The following DCDC1 variants were observed in gnomAD, a reference collection of about 807,000 sequenced individuals.
The protein encoded by DCDC1 is doublecortin domain containing 1, also known as doublecortin domain-containing protein 1.
DCDC1 carries 200 observed loss-of-function variants against 178.3 expected under a neutral mutation model. The observed-to-expected ratio is 1.12, with a 90% CI of 1.00 to 1.26. The LOEUF (loss-of-function observed/expected upper bound fraction) is 1.26, where lower values mean the gene tolerates loss of function less well. Ranked by LOEUF, DCDC1 falls within the 50% of genes most tolerant of loss-of-function variation. DCDC1 has a pLI of 0.00. For missense variants in DCDC1, 1,983 were observed against 1,749.2 expected, an observed-to-expected ratio of 1.13 and a Z score of -2.38; for synonymous variants, 690 against 604.8, an observed-to-expected ratio of 1.14 and a Z score of -2.07.
chr11:31,131,218 TGAAAA>T (rs773645950), intron 10 of DCDC1, among the ~76,000 whole-genome samples: 1 of 131,574 alleles, frequency 7.6e-6, no homozygotes, highest in Non-Finnish European at 1.6e-5. Context: ...ACAAAATTAA[TGAAAA>T]GAAAAAGAAA....
At chr11:30,896,955 A>G (rs1944271671) in intron 34 of DCDC1, among the ~76,000 whole-genome samples, 1 of 152,220 alleles carries the variant, frequency 6.6e-6, no homozygotes. Flanking sequence ...TATAATATAG[A>G]ATAGCTGATT....
At chr11:31,231,409 C>T (rs1975762114) in intron 9 of DCDC1, among the ~76,000 whole-genome samples, 1 of 151,956 alleles carries the variant, frequency 6.6e-6, no homozygotes, top group Non-Finnish European at 1.5e-5. Context: ...GTTTTTACAC[C>T]ACAAGGTGAT....
At position 31,077,005 on chromosome 11, in the gene DCDC1, G is replaced by C. The variant is rs913569980; in HGVS notation, c.2298+860C>G. Among the ~76,000 whole-genome samples, 26 of 152,090 alleles carry C rather than the reference G, an allele frequency of 1.7e-4. 1 individual carries two copies. Among genetic ancestry groups the C allele is most frequent in the Non-Finnish European group, 5.9e-5 (4 of 68,018 alleles). ...ACGTTTTCTTTTGCTTGTCTGTTGA[G>C]CTTGTTTTCCTTCTTGGATAAAACT... On this transcript the variant is annotated intron_variant, in intron 18 of 38. Transcript: ENST00000684477.
intron 9 of DCDC1, among the ~76,000 whole-genome samples, chr11:31,177,845 A>T (rs1968271665): frequency 6.6e-6 from 1 of 152,210 alleles, no homozygotes; most frequent in African/African-American, 2.4e-5. Context: ...ATATAAATAC[A>T]TCCAACACTG....
At chr11:31,196,924 A>C (rs1970759786) in intron 9 of DCDC1, among the ~76,000 whole-genome samples, 1 of 152,104 alleles carries the variant, frequency 6.6e-6, no homozygotes, top group Non-Finnish European at 1.5e-5. Context: ...GCATACAAAA[A>C]ATACTCTACT....
chr11:31,187,880 GT>G (rs1254775967), intron 9 of DCDC1, among the ~76,000 whole-genome samples: 2 of 152,146 alleles, frequency 1.3e-5, no homozygotes, highest in African/African-American at 4.8e-5. Context: ...TTCACCAGCT[GT>G]TTCAAGTAAA....
intron 21 of DCDC1, among the ~76,000 whole-genome samples, chr11:30,939,214 G>A (rs1947480144): frequency 6.6e-6 from 1 of 152,148 alleles, no homozygotes; most frequent in African/African-American, 2.4e-5. Context: ...ACTGTCTCCT[G>A]AATAACAGTC....
rs141716404 is a variant in DCDC1 at position 31,240,504 on chromosome 11, G to A, written c.1221+946C>T. The stretch of plus-strand genomic sequence containing the variant: ...TGTTCTTTTCCAAACTCGACAGCAG[G>A]AGGTGCTGTGTGAACACTAAGACTG... On this transcript the variant is annotated intron_variant, in intron 9 of 38. Coordinates refer to ENST00000684477, the MANE Select transcript of DCDC1 (RefSeq NM_001387274.1). 2.2e-3 allele frequency among the ~76,000 whole-genome samples: 330 copies of A among 152,092 alleles called. 2 individuals are homozygous for A. Among genetic ancestry groups the A allele is most frequent in the African/African-American group, 7.3e-3 (303 of 41,538 alleles).
At chr11:31,009,215 A>T in intron 20 of DCDC1, among the ~76,000 whole-genome samples, 1 of 152,196 alleles carries the variant, frequency 6.6e-6, no homozygotes, top group East Asian at 1.9e-4. Context: ...TGCCAAAAAG[A>T]CTTATTTTAT....
intron 38 of DCDC1, among the ~76,000 whole-genome samples, chr11:30,877,251 A>C (rs557544441): frequency 9.9e-5 from 15 of 152,266 alleles, no homozygotes; most frequent in African/African-American, 3.6e-4. Flanking sequence ...GCATCACATT[A>C]AAGTGGAGGA....
At chr11:31,325,767 C>T (rs1238954663) in intron 3 of DCDC1, among the ~76,000 whole-genome samples, 2 of 151,928 alleles carry the variant, frequency 1.3e-5, no homozygotes, top group Non-Finnish European at 2.9e-5. Flanking sequence ...TGAAGAAATG[C>T]AGAATCTCTG....
At chr11:31,008,351 G>A (rs1480154062) in intron 20 of DCDC1, among the ~76,000 whole-genome samples, 1 of 152,098 alleles carries the variant, frequency 6.6e-6, no homozygotes, top group Admixed American at 6.5e-5. Context: ...CAAAGAAACA[G>A]AGTAAGAGGT....
chr11:31,304,571 T>C (rs1010310985), intron 6 of DCDC1, among the ~76,000 whole-genome samples: 6 of 152,160 alleles, frequency 3.9e-5, no homozygotes, highest in Non-Finnish European at 5.9e-5. Context: ...AAATTGCTTA[T>C]TTCCTGAAGA....
chr11:30,878,205 C>T (rs1942316304), intron 38 of DCDC1, among the ~76,000 whole-genome samples: 1 of 152,016 alleles, frequency 6.6e-6, no homozygotes, highest in Non-Finnish European at 1.5e-5. Context: ...ACAATCCCAG[C>T]ACTTTGTGAT....
chr11:30,967,627 T>C (rs974351183), intron 20 of DCDC1, among the ~76,000 whole-genome samples: 29 of 152,254 alleles, frequency 1.9e-4, no homozygotes, highest in African/African-American at 7.0e-4. Context: ...GGTGGTTCTG[T>C]GTGTTTACCC....
intron 23 of DCDC1, among the ~76,000 whole-genome samples, chr11:30,923,095 G>C (rs1304049950): frequency 6.6e-6 from 1 of 152,060 alleles, no homozygotes; most frequent in Non-Finnish European, 1.5e-5. Context: ...GGCAAAATTA[G>C]AGATTGGCGA....
At chr11:31,159,339 G>A (rs937136354) in intron 9 of DCDC1, among the ~76,000 whole-genome samples, 1 of 152,124 alleles carries the variant, frequency 6.6e-6, no homozygotes, top group Non-Finnish European at 1.5e-5. Context: ...AAGGTACATT[G>A]GTATCCACTC....
chr11:30,882,046 C>T (rs1319464665), intron 36 of DCDC1: 1 of 153,626 alleles, frequency 6.5e-6, no homozygotes, highest in Non-Finnish European at 1.5e-5. Flanking sequence ...TACATACCTG[C>T]CTGTATGGCT....
rs371089753 is a variant in DCDC1 at position 31,137,001 on chromosome 11, C to T, written c.1314+691G>A. ...ATTTCTAAAATTCAGAACAATAACT[C>T]TATTCTTAGAAAACCAGATGTAACA... On this transcript the variant is annotated intron_variant, in intron 10 of 38. Transcript: ENST00000684477. Among the ~76,000 whole-genome samples the T allele has an allele frequency of 1.1e-4, 16 of 152,208 alleles. No individual in the cohort carries two copies. The East Asian group carries it at 2.9e-3, about 28-fold the overall frequency.
Sources: allele counts gnomAD v4.1 joint callset (sites outside exome capture counted in the v4.1 genomes callset), GRCh38; gene constraint gnomAD v4.1.1; transcripts MANE v1.5; gene names NCBI Gene and HGNC (gene_info 2026-07-23, HGNC 2026-07-21).